PTPRT: variants seen among roughly 807,000 people sequenced by gnomAD.
PTPRT encodes protein tyrosine phosphatase receptor type T.
A neutral mutation model predicts 176.8 loss-of-function variants in PTPRT; 56 were observed. That is an observed-to-expected ratio of 0.32 (90% CI 0.26 to 0.40). PTPRT has a LOEUF of 0.40. Among genes scored for constraint, PTPRT ranks in the 10% least tolerant of loss-of-function variants. PTPRT has a pLI of 1.00. For synonymous variants in PTPRT, 783 were observed against 739.0 expected (o/e 1.06, Z -0.96); for missense variants, 1,540 against 1,908.2 (o/e 0.81, Z 3.60).
intron 27 of PTPRT, among the ~76,000 whole-genome samples, chr20:42,091,929 G>C (rs1489873939): frequency 1.3e-5 from 2 of 152,190 alleles, no homozygotes; most frequent in Non-Finnish European, 2.9e-5. Flanking sequence ...CTGCATCAGA[G>C]TTTGTTTCAG....
intron 9 of PTPRT, among the ~76,000 whole-genome samples, chr20:42,437,477 A>C (rs936574544): frequency 3.3e-5 from 5 of 152,210 alleles, no homozygotes; most frequent in African/African-American, 1.2e-4. Flanking sequence ...CACGTTAAAA[A>C]CGTGCATAAA....
intron 8 of PTPRT, among the ~76,000 whole-genome samples, chr20:42,464,502 T>A (rs1445543991): frequency 1.3e-5 from 2 of 152,216 alleles, no homozygotes; most frequent in African/African-American, 4.8e-5. Flanking sequence ...TGCACAACTG[T>A]ATCGATAGCA....
intron 1 of PTPRT, among the ~76,000 whole-genome samples, chr20:43,090,316 G>A (rs867975693): frequency 1.7e-4 from 25 of 150,102 alleles, no homozygotes; most frequent in Non-Finnish European, 2.4e-4. Context: ...CGCCCAGGCT[G>A]GAGTGCAGTG....
chr20:42,325,356 T>C (rs1460949569), intron 11 of PTPRT, among the ~76,000 whole-genome samples: 1 of 152,176 alleles, frequency 6.6e-6, no homozygotes, highest in Non-Finnish European at 1.5e-5. Context: ...ATGATTGAAT[T>C]GCATTTGATA....
intron 23 of PTPRT, among the ~76,000 whole-genome samples, chr20:42,107,169 C>A (rs759237777): frequency 3.1e-4 from 47 of 152,246 alleles, no homozygotes; most frequent in Non-Finnish European, 6.0e-4. Context: ...TGGTTCCTGG[C>A]ATGCTGGAGC....
rs556032333 is a variant in PTPRT at position 42,080,377 on chromosome 20, G to A, written c.*502C>T. 3 of 234,320 alleles carry A rather than the reference G, an allele frequency of 1.3e-5. No individual in the cohort carries two copies. The highest frequency in any genetic ancestry group is 1.2e-4 in the East Asian group (2 of 16,370). 14.5% of individuals were successfully genotyped at this position (234,320 alleles called of 1,614,324 possible). On this transcript the variant is annotated 3_prime_UTR_variant, in exon 31 of 31. Coordinates refer to ENST00000373187, the MANE Select transcript of PTPRT (RefSeq NM_007050.6). ...GGTCACACTGGTCCAGACTGCAAATGTCTGGTGCCAGAGGCCCCTGAAGGA... is the reference window on the plus strand; with the variant it reads ...GGTCACACTGGTCCAGACTGCAAATATCTGGTGCCAGAGGCCCCTGAAGGA...
chr20:43,185,130 T>G (rs1481485578), intron 1 of PTPRT, among the ~76,000 whole-genome samples: 1 of 152,212 alleles, frequency 6.6e-6, no homozygotes, highest in African/African-American at 2.4e-5. Flanking sequence ...GCTAACTGCT[T>G]TCTAATATCT....
chr20:42,607,896 C>A (rs958062192), intron 7 of PTPRT, among the ~76,000 whole-genome samples: 2 of 152,158 alleles, frequency 1.3e-5, no homozygotes, highest in Admixed American at 6.5e-5. Flanking sequence ...ATCCCAGGTG[C>A]AACTGCTGAT....
At position 42,200,698 on chromosome 20, in the gene PTPRT, A is replaced by G. The variant is rs117104795; in HGVS notation, c.2343-1310T>C. ...TTATTCAAATATTTCGAAAAAGCGA[A>G]CATGGTCCCTCTTTTTCCAACATAT... On this transcript the variant is annotated intron_variant, in intron 15 of 30. Coordinates refer to ENST00000373187, the MANE Select transcript of PTPRT (RefSeq NM_007050.6). Among the ~76,000 whole-genome samples, 898 of 152,366 alleles carry G rather than the reference A, an allele frequency of 5.9e-3. 1 individual carries two copies. The highest frequency in any genetic ancestry group is 0.014 in the Middle Eastern group (4 of 294).
At chr20:42,970,002 G>A (rs928039033) in intron 1 of PTPRT, among the ~76,000 whole-genome samples, 1 of 152,126 alleles carries the variant, frequency 6.6e-6, no homozygotes, top group Non-Finnish European at 1.5e-5. Context: ...TGAGGTTACA[G>A]AGCTCAAAAG....
At chr20:42,117,768 T>G (rs77107696) in intron 21 of PTPRT, among the ~76,000 whole-genome samples, 1,837 of 152,220 alleles carry the variant, frequency 0.012, 47 homozygotes, top group African/African-American at 0.041. Context: ...GTCTTTAAAG[T>G]TTGGCAGAAA....
At chr20:43,166,487 G>A (rs2014862856) in intron 1 of PTPRT, among the ~76,000 whole-genome samples, 2 of 152,116 alleles carry the variant, frequency 1.3e-5, no homozygotes, top group African/African-American at 4.8e-5. Context: ...CGATGTCTTA[G>A]GTTACATTTT....
chr20:42,459,315 T>G (rs1366423598), intron 8 of PTPRT, among the ~76,000 whole-genome samples: 1 of 152,194 alleles, frequency 6.6e-6, no homozygotes, highest in Non-Finnish European at 1.5e-5. Context: ...CTGGAGCATG[T>G]GAGCTACCGT....
chr20:43,005,905 C>T (rs1305424282), intron 1 of PTPRT, among the ~76,000 whole-genome samples: 1 of 152,076 alleles, frequency 6.6e-6, no homozygotes, highest in Non-Finnish European at 1.5e-5. Context: ...ACAGCAAAAA[C>T]CAGACACAAC....
chr20:43,096,727 G>A (rs2146317815), intron 1 of PTPRT, among the ~76,000 whole-genome samples: 1 of 152,336 alleles, frequency 6.6e-6, no homozygotes, highest in East Asian at 1.9e-4. Context: ...GGCCTGGCTG[G>A]AGAGGGCTGG....
chr20:43,040,742 G>C lies in PTPRT; in HGVS notation c.88+148904C>G, dbSNP rs955850313. On this transcript the variant is annotated intron_variant, in intron 1 of 30. Coordinates refer to ENST00000373187, the MANE Select transcript of PTPRT (RefSeq NM_007050.6). ...GAAGCATTGTGAATAAAATTGTTGA[G>C]AGCTAGACCTGCCTGAGGCCATGTC... Among the ~76,000 whole-genome samples the C allele has an allele frequency of 1.1e-4, 16 of 152,300 alleles. No individual in the cohort carries two copies. In the South Asian group the frequency reaches 3.3e-3, roughly 32 times the overall value.
At chr20:42,500,051 C>T (rs1247804542) in intron 7 of PTPRT, among the ~76,000 whole-genome samples, 2 of 152,038 alleles carry the variant, frequency 1.3e-5, no homozygotes, top group South Asian at 2.1e-4. Context: ...TATCCACTAA[C>T]ATGGTATGTC....
At chr20:42,593,971 A>G (rs1437480323) in intron 7 of PTPRT, among the ~76,000 whole-genome samples, 1 of 152,182 alleles carries the variant, frequency 6.6e-6, no homozygotes, top group African/African-American at 2.4e-5. Flanking sequence ...CAGGGATTTC[A>G]GAATTATCTG....
chr20:42,089,152 C>T (rs758751619), intron 27 of PTPRT, among the ~76,000 whole-genome samples: 8 of 151,964 alleles, frequency 5.3e-5, no homozygotes, highest in East Asian at 3.9e-4. Flanking sequence ...GCGCTGGTCA[C>T]GGGCCTCCAT....
Sources: gnomAD v4.1 joint callset for allele counts (sites outside exome capture counted in the v4.1 genomes callset) on GRCh38, gnomAD v4.1.1 for gene constraint, MANE v1.5 for transcripts, NCBI Gene and HGNC (gene_info 2026-07-23, HGNC 2026-07-21) for gene names.